The following SART3 variants were observed in gnomAD, a reference collection of about 807,000 sequenced individuals.
SART3 encodes the protein HIV-1 Tat-interacting protein of 110kDa.
Under a neutral mutation model 122.3 loss-of-function variants are expected in SART3, and 44 were observed. The observed-to-expected ratio is 0.36, with a 90% CI of 0.28 to 0.46. The LOEUF (loss-of-function observed/expected upper bound fraction) is 0.46. Among genes scored for constraint, SART3 ranks in the 20% least tolerant of loss-of-function variants. SART3 has a pLI of 1.00. For missense variants in SART3, 1,101 were observed against 1,229.0 expected, an observed-to-expected ratio of 0.90 and a Z score of 1.56; for synonymous variants, 442 against 454.0, an observed-to-expected ratio of 0.97 and a Z score of 0.34.
intron 3 of SART3, 44 bp downstream of exon 3, chr12:108,547,843 A>G: frequency 7.2e-7 from 1 of 1,393,426 alleles, no homozygotes; most frequent in Non-Finnish European, 1.0e-6. Flanking sequence ...AGACTGATAT[A>G]TATGACATTG....
At chr12:108,535,897 T>TA (rs1363949391) in intron 11 of SART3, among the ~76,000 whole-genome samples, 3 of 152,166 alleles carry the variant, frequency 2.0e-5, no homozygotes, top group Non-Finnish European at 4.4e-5. Context: ...TTCTCATCTT[T>TA]AAAATGGTTA....
At chr12:108,554,279 G>C (rs1231501819) in intron 1 of SART3, 4 of 151,972 alleles carry the variant, frequency 2.6e-5, no homozygotes, top group Non-Finnish European at 5.9e-5. Context: ...GACTTGGTTA[G>C]ATTCTTTACC....
At chr12:108,555,991 C>G (rs955021093) in intron 1 of SART3, among the ~76,000 whole-genome samples, 3 of 152,170 alleles carry the variant, frequency 2.0e-5, no homozygotes, top group Non-Finnish European at 2.9e-5. Context: ...CAGACCCATG[C>G]AGTTGAAAAA....
rs1482395017 is a variant in SART3 at position 108,522,811 on chromosome 12, C to T, written c.*646G>A. On this transcript the variant is annotated 3_prime_UTR_variant, in exon 19 of 19. Transcript: ENST00000546815. ...ACAACACAGGTCACTAGTCACTAGG[C>T]AAAGAAAACAGTCCACAGCAGGTGG... 6.5e-6 allele frequency: 1 copy of T among 154,106 alleles called. No homozygotes were observed. Among genetic ancestry groups the T allele is most frequent in the Non-Finnish European group, 1.4e-5 (1 of 69,388 alleles). 9.5% of individuals were successfully genotyped at this position (154,106 alleles called of 1,614,324 possible). A position where few individuals can be genotyped will look rare whatever the true frequency, so the allele number is the denominator to read the frequency against.
intron 1 of SART3, among the ~76,000 whole-genome samples, chr12:108,558,802 G>T (rs772091041): frequency 6.6e-6 from 1 of 152,296 alleles, no homozygotes. Context: ...GGGAGGCCGA[G>T]GCGGGCGGAT....
intron 1 of SART3, among the ~76,000 whole-genome samples, chr12:108,556,370 C>A (rs985577220): frequency 6.6e-6 from 1 of 152,154 alleles, no homozygotes; most frequent in African/African-American, 2.4e-5. Context: ...AATGCTAGGA[C>A]TACAGGTGTG....
At chr12:108,524,199 A>G (rs1872259692) in intron 18 of SART3, 117 bp downstream of exon 18, 1 of 909,816 alleles carries the variant, frequency 1.1e-6, no homozygotes. Context: ...GGAACAGCAC[A>G]TCTTGGCTTT....
Position 108,526,514 on chromosome 12 carries a change from G to C in SART3, c.1955C>G (p.Pro652Arg), listed in dbSNP as rs552177489. ...TACATTTTGTGTTTCTCCAGCTGCAGGGATGCTGTTCTCGACCCTTCTGCG... is the reference window on the plus strand; with the variant it reads ...TACATTTTGTGTTTCTCCAGCTGCACGGATGCTGTTCTCGACCCTTCTGCG... ...SKRRRVENSI[P>R]AAGETQNVEV... The change falls in exon 16 of 19, where the codon CCT becomes CGT. Residue 652 changes from proline (P) to arginine (R), a missense_variant. Pro to Arg is a moderately radical substitution (Grantham distance 103). This residue lies in a region of SART3 where 885 missense variants were observed against 1,080.1 expected (regional missense o/e 0.82). Coordinates refer to ENST00000546815, the MANE Select transcript of SART3 (RefSeq NM_014706.4). 1.9e-5 allele frequency: 31 copies of C among 1,614,128 alleles called. No homozygotes were observed. In the South Asian group the frequency reaches 3.2e-4, roughly 17 times the overall value.
chr12:108,536,582 CAGAATT>C lies in SART3; in HGVS notation c.1388-16_1388-11del. The C allele has an allele frequency of 6.2e-7, 1 of 1,614,078 alleles. No homozygotes were observed. Among genetic ancestry groups the C allele is most frequent in the Non-Finnish European group, 8.5e-7 (1 of 1,179,942 alleles). On this transcript the variant is annotated splice_polypyrimidine_tract_variant and intron_variant, in intron 10 of 18. Coordinates refer to ENST00000546815, the MANE Select transcript of SART3 (RefSeq NM_014706.4). ...CCACTCTCATTGAAACCTTCAAAAA[CAGAATT>C]AGTAAAATTAGAAAGGAACTTGGAG... is the stretch of plus-strand genomic sequence containing the variant.
At chr12:108,541,469 A>G (rs552994134) in intron 6 of SART3, among the ~76,000 whole-genome samples, 1 of 152,322 alleles carries the variant, frequency 6.6e-6, no homozygotes, top group South Asian at 2.1e-4. Context: ...ACAGCCTAAA[A>G]TAAGACTTAA....
intron 2 of SART3, among the ~76,000 whole-genome samples, chr12:108,548,800 A>G (rs1032286996): frequency 6.6e-6 from 1 of 152,250 alleles, no homozygotes; most frequent in African/African-American, 2.4e-5. Flanking sequence ...ATACATAAAT[A>G]GTGAAATGGG....
chr12:108,542,748 CAA>C, intron 6 of SART3: 1 of 504,582 alleles, frequency 2.0e-6, no homozygotes, highest in Non-Finnish European at 3.8e-6. Context: ...ATTATCATCA[CAA>C]AAGTCAGGAA....
intron 15 of SART3, among the ~76,000 whole-genome samples, chr12:108,528,596 A>G (rs576790223): frequency 9.9e-5 from 15 of 152,114 alleles, no homozygotes; most frequent in Non-Finnish European, 1.9e-4. Flanking sequence ...ACAGGCAGGC[A>G]TGGGGCAGTG....
rs556540735 is a variant in SART3, at chr12:108,536,362, T to C, written c.1446+152A>G. 4.6e-5 allele frequency: 36 copies of C among 782,674 alleles called. No individual in the cohort carries two copies. In the African/African-American group the frequency reaches 6.0e-4, roughly 13 times the overall value. 48.5% of individuals were successfully genotyped at this position (782,674 alleles called of 1,614,324 possible). On this transcript the variant is annotated intron_variant, in intron 11 of 18. Coordinates refer to ENST00000546815, the MANE Select transcript of SART3 (RefSeq NM_014706.4). Reference sequence around the variant, plus strand: ...CAAGCTAGGTAAATAACATGAATCCTTGTGGAGCCTAGACCATTACCTAGG... The same window carrying C: ...CAAGCTAGGTAAATAACATGAATCCCTGTGGAGCCTAGACCATTACCTAGG...
At chr12:108,547,677 T>C (rs1407563000) in intron 3 of SART3, among the ~76,000 whole-genome samples, 2 of 152,242 alleles carry the variant, frequency 1.3e-5, no homozygotes, top group Non-Finnish European at 2.9e-5. Flanking sequence ...TTCATTCCCT[T>C]ACTACAAGTG....
At chr12:108,530,071 T>A in intron 15 of SART3, 71 bp downstream of exon 15, 3 of 1,555,604 alleles carry the variant, frequency 1.9e-6, no homozygotes, top group South Asian at 2.2e-5. Context: ...GGAAGAAAGT[T>A]CTTCATACTG....
At chr12:108,531,141 T>G (rs1872662206) in intron 14 of SART3, 63 bp downstream of exon 14, 2 of 1,212,360 alleles carry the variant, frequency 1.6e-6, no homozygotes, top group African/African-American at 3.0e-5. Context: ...ACAAGAAACA[T>G]CCATACCAAA....
chr12:108,553,906 C>T (rs576030987), intron 1 of SART3, among the ~76,000 whole-genome samples: 1 of 152,304 alleles, frequency 6.6e-6, no homozygotes, highest in South Asian at 2.1e-4. Flanking sequence ...AAATCCCTGC[C>T]TCATGTGCAA....
At chr12:108,548,018 T>G in intron 2 of SART3, 27 bp from the exon 3 acceptor site, 1 of 1,586,586 alleles carries the variant, frequency 6.3e-7, no homozygotes, top group Middle Eastern at 1.7e-4. Flanking sequence ...CTTCCCGCAT[T>G]AATACCAAAG....
Sources: gnomAD v4.1 joint callset for allele counts (sites outside exome capture counted in the v4.1 genomes callset) on GRCh38, gnomAD v4.1.1 for gene constraint, gnomAD v4.1.1 regional missense constraint, MANE v1.5 for transcripts, NCBI Gene and HGNC (gene_info 2026-07-23, HGNC 2026-07-21) for gene names.